The following FGF14 variants were observed in gnomAD, a reference collection of about 807,000 sequenced individuals.
FGF14 encodes the protein fibroblast growth factor homologous factor 4.
FGF14 carries 5 observed loss-of-function variants against 25.5 expected under a neutral mutation model. The observed-to-expected ratio is 0.20, with a 90% CI of 0.10 to 0.41. The LOEUF is 0.41. Among genes scored for constraint, FGF14 ranks in the 10% least tolerant of loss-of-function variants. The pLI, the probability that FGF14 is intolerant of heterozygous loss-of-function variation, is 1.00. For synonymous variants in FGF14, 138 were observed against 118.3 expected (o/e 1.17, Z -1.08); for missense variants, 222 against 320.1 (o/e 0.69, Z 2.34).
At chr13:102,137,670 G>A (rs1192411242) in intron 1 of FGF14, among the ~76,000 whole-genome samples, 1 of 152,086 alleles carries the variant, frequency 6.6e-6, no homozygotes, top group African/African-American at 2.4e-5. Flanking sequence ...CTCTCAAAAT[G>A]TCTTTGTTTG....
intron 1 of FGF14, among the ~76,000 whole-genome samples, chr13:101,981,898 A>T (rs1415509423): frequency 1.3e-5 from 2 of 152,206 alleles, no homozygotes; most frequent in Non-Finnish European, 2.9e-5. Context: ...AGTGGAAGAT[A>T]TTAGGCCAAT....
intron 1 of FGF14, among the ~76,000 whole-genome samples, chr13:102,108,114 T>C (rs1353387288): frequency 6.6e-6 from 1 of 152,224 alleles, no homozygotes; most frequent in Non-Finnish European, 1.5e-5. Flanking sequence ...GTTTAGTAAA[T>C]ATGATTACAT....
chr13:101,912,658 TTA>T (rs2033066344), intron 1 of FGF14, among the ~76,000 whole-genome samples: 1 of 152,128 alleles, frequency 6.6e-6, no homozygotes, highest in Non-Finnish European at 1.5e-5. Flanking sequence ...ATGAGGTTGT[TTA>T]TGTTCTTGCA....
chr13:102,202,385 C>T lies in FGF14; in HGVS notation c.208+199086G>A, dbSNP rs957021652. 8.6e-5 allele frequency among the ~76,000 whole-genome samples: 13 copies of T among 151,914 alleles called. No homozygotes were observed. In the South Asian group the frequency reaches 1.5e-3, roughly 17 times the overall value. ...AAGTTGGTAACACTAGTTCTCATTC[C>T]CCCACACAAAAAGGAGACCCATGAG... On this transcript the variant is annotated intron_variant, in intron 1 of 4. Coordinates refer to the FGF14 transcript ENST00000376131.
At chr13:102,364,034 T>G (rs1169760792) in intron 1 of FGF14, among the ~76,000 whole-genome samples, 1 of 152,232 alleles carries the variant, frequency 6.6e-6, no homozygotes. Flanking sequence ...AAGCTAACAA[T>G]TTTAGATCAT....
chr13:101,792,678 T>G (rs1294172128), intron 3 of FGF14, among the ~76,000 whole-genome samples: 1 of 152,160 alleles, frequency 6.6e-6, no homozygotes, highest in Non-Finnish European at 1.5e-5. Flanking sequence ...TCTTTGCCCC[T>G]CATGCCATCA....
At chr13:101,943,629 T>C (rs74108940) in intron 1 of FGF14, among the ~76,000 whole-genome samples, 198 of 152,216 alleles carry the variant, frequency 1.3e-3, no homozygotes, top group African/African-American at 4.6e-3. Context: ...ACCCGCTGCA[T>C]GCATTCAGAC....
intron 1 of FGF14, among the ~76,000 whole-genome samples, chr13:102,186,596 C>T (rs1163215845): frequency 2.0e-5 from 3 of 152,210 alleles, no homozygotes; most frequent in East Asian, 1.9e-4. Context: ...TGATAGTATA[C>T]ATGCACACGT....
intron 1 of FGF14, among the ~76,000 whole-genome samples, chr13:102,153,948 GTTC>G (rs781756377): frequency 4.6e-5 from 7 of 152,184 alleles, no homozygotes; most frequent in Non-Finnish European, 1.0e-4. Flanking sequence ...GATAGGCATT[GTTC>G]TTCTCTCTAT....
rs186303574 is a variant in FGF14, at chr13:102,139,739, G to C, written c.208+261732C>G. Among the ~76,000 whole-genome samples, 3 of 151,534 alleles carry C rather than the reference G, an allele frequency of 2.0e-5. No individual in the cohort carries two copies. In the East Asian group the frequency reaches 6.1e-4, roughly 31 times the overall value. On this transcript the variant is annotated intron_variant, in intron 1 of 4. Coordinates refer to the FGF14 transcript ENST00000376131. ...GTAGTCAGTTATGTGAAGAAACGAG[G>C]AAAGACCAAGATGTTTCTATCCCAA...
intron 1 of FGF14, among the ~76,000 whole-genome samples, chr13:102,028,814 A>G (rs914536844): frequency 1.3e-5 from 2 of 152,072 alleles, no homozygotes; most frequent in Admixed American, 6.6e-5. Flanking sequence ...AAACAAATTA[A>G]CTTTTTGCCT....
intron 1 of FGF14, among the ~76,000 whole-genome samples, chr13:102,379,226 A>G (rs572826790): frequency 1.3e-5 from 2 of 152,266 alleles, no homozygotes; most frequent in African/African-American, 4.8e-5. Flanking sequence ...TCTAAATTAA[A>G]GGCATTAGAA....
At chr13:102,252,900 A>G (rs1024166192) in intron 1 of FGF14, among the ~76,000 whole-genome samples, 4 of 152,044 alleles carry the variant, frequency 2.6e-5, no homozygotes, top group African/African-American at 9.7e-5. Flanking sequence ...ACTCCCACTT[A>G]TGAGTGAGAA....
intron 1 of FGF14, among the ~76,000 whole-genome samples, chr13:101,907,466 A>C (rs1257481619): frequency 6.6e-6 from 1 of 152,172 alleles, no homozygotes; most frequent in Admixed American, 6.6e-5. Flanking sequence ...TTATTATGAA[A>C]ATTTGAATGC....
chr13:102,081,587 TA>T (rs897339479), intron 1 of FGF14, among the ~76,000 whole-genome samples: 16 of 150,686 alleles, frequency 1.1e-4, no homozygotes, highest in South Asian at 8.4e-4. Flanking sequence ...CTGCTCTTTT[TA>T]AAAAAAAAAT....
chr13:102,125,344 CAT>C (rs1793574710), intron 1 of FGF14, among the ~76,000 whole-genome samples: 2 of 152,174 alleles, frequency 1.3e-5, no homozygotes, highest in African/African-American at 4.8e-5. Flanking sequence ...AAAAAGAAAA[CAT>C]AGAAAACCGT....
chr13:101,901,655 G>C (rs1053247131), intron 1 of FGF14, among the ~76,000 whole-genome samples: 1 of 152,116 alleles, frequency 6.6e-6, no homozygotes, highest in Non-Finnish European at 1.5e-5. Flanking sequence ...AGTGAGCCGA[G>C]ATCGCACCAC....
chr13:102,152,014 C>T (rs1252975497), intron 1 of FGF14, among the ~76,000 whole-genome samples: 1 of 152,144 alleles, frequency 6.6e-6, no homozygotes, highest in East Asian at 1.9e-4. Context: ...TCACAAGGCT[C>T]ACAGGGTGTT....
rs185220554 is a variant in FGF14, at chr13:101,881,374, G to A, written c.194-6078C>T. ...CAATCCAGAAATGGACAATAAAATG[G>A]CCAAAATATCAAATCTATTGTCCCA... On this transcript the variant is annotated intron_variant, in intron 1 of 4. Coordinates refer to ENST00000376143, the MANE Select transcript of FGF14 (RefSeq NM_004115.4). Among the ~76,000 whole-genome samples the A allele has an allele frequency of 7.1e-3, 1,086 of 152,218 alleles. 7 individuals are homozygous for A. The highest frequency in any genetic ancestry group is 0.041 in the Middle Eastern group (12 of 294).
Sources: allele counts gnomAD v4.1 joint callset (sites outside exome capture counted in the v4.1 genomes callset), GRCh38; gene constraint gnomAD v4.1.1; transcripts MANE v1.5; gene names NCBI Gene and HGNC (gene_info 2026-07-23, HGNC 2026-07-21).